Variants in SGCZ observed in about 807,000 individuals in gnomAD.
SGCZ encodes the protein zeta-sarcoglycan.
SGCZ carries 40 observed loss-of-function variants against 41.3 expected under a neutral mutation model. The ratio of observed to expected loss-of-function variants is 0.97; its 90% CI spans 0.75 to 1.26. The LOEUF is 1.26. Among genes scored for constraint, SGCZ ranks in the 50% most tolerant of loss-of-function variants. The pLI is 0.00. For synonymous variants in SGCZ, 206 were observed against 137.5 expected, an observed-to-expected ratio of 1.50 and a Z score of -3.49; for missense variants, 552 against 369.8, an observed-to-expected ratio of 1.49 and a Z score of -4.04.
chr8:14,798,119 G>A (rs1294294812), intron 1 of SGCZ, among the ~76,000 whole-genome samples: 1 of 152,078 alleles, frequency 6.6e-6, no homozygotes, highest in Non-Finnish European at 1.5e-5. Flanking sequence ...TACTATCCCT[G>A]TTTTCAAGAT....
chr8:14,551,355 A>G (rs1803803288), intron 2 of SGCZ, among the ~76,000 whole-genome samples: 1 of 136,366 alleles, frequency 7.3e-6, no homozygotes, highest in Admixed American at 8.5e-5. Flanking sequence ...AAGATGTTAT[A>G]GTAATCAACC....
At chr8:14,143,634 G>C (rs1232706748) in intron 5 of SGCZ, among the ~76,000 whole-genome samples, 1 of 152,098 alleles carries the variant, frequency 6.6e-6, no homozygotes, top group Non-Finnish European at 1.5e-5. Context: ...ACCAATTTAA[G>C]AACTATCTAC....
chr8:14,589,030 C>T (rs372035727), intron 1 of SGCZ, among the ~76,000 whole-genome samples: 59 of 152,254 alleles, frequency 3.9e-4, no homozygotes, highest in African/African-American at 1.4e-3. Flanking sequence ...ATTCTTCTTT[C>T]ACCCTTCCAT....
chr8:14,913,554 A>C (rs1585373574), intron 1 of SGCZ, among the ~76,000 whole-genome samples: 1 of 152,110 alleles, frequency 6.6e-6, no homozygotes, highest in African/African-American at 2.4e-5. Flanking sequence ...CTAGAAGACT[A>C]TGTTAAGATG....
intron 1 of SGCZ, among the ~76,000 whole-genome samples, chr8:15,077,049 C>G (rs557231272): frequency 6.6e-6 from 1 of 152,204 alleles, no homozygotes; most frequent in South Asian, 2.1e-4. Flanking sequence ...ATGATTTGAA[C>G]AACTTGAAAT....
intron 1 of SGCZ, among the ~76,000 whole-genome samples, chr8:14,591,615 C>G (rs900888428): frequency 6.6e-6 from 1 of 152,000 alleles, no homozygotes; most frequent in African/African-American, 2.4e-5. Flanking sequence ...CTTATGCAAA[C>G]GTTATTGATA....
chr8:14,303,423 A>G (rs1585339712), intron 3 of SGCZ, among the ~76,000 whole-genome samples: 1 of 152,152 alleles, frequency 6.6e-6, no homozygotes, highest in Admixed American at 6.5e-5. Context: ...GGACATGGAT[A>G]TCTTTAAAAA....
chr8:14,157,336 CTGTGTGTGTGTGTGTGTGTG>C (rs71209015), intron 5 of SGCZ, among the ~76,000 whole-genome samples: 3 of 138,902 alleles, frequency 2.2e-5, no homozygotes, highest in Non-Finnish European at 4.6e-5. Context: ...ATATATGCCT[CTGTGTGTGTGTGTGTGTGTG>C]TGTGTGTGAG....
At chr8:14,299,270 T>C (rs111403568) in intron 3 of SGCZ, among the ~76,000 whole-genome samples, 13 of 151,916 alleles carry the variant, frequency 8.6e-5, no homozygotes, top group African/African-American at 2.4e-4. Context: ...TAGTCAAAGT[T>C]TTCTCAGAAC....
chr8:14,225,392 G>C (rs1276661362), intron 4 of SGCZ, among the ~76,000 whole-genome samples: 2 of 152,066 alleles, frequency 1.3e-5, no homozygotes, highest in African/African-American at 4.8e-5. Flanking sequence ...TGAAATATTA[G>C]TGTTGAAAAT....
intron 1 of SGCZ, among the ~76,000 whole-genome samples, chr8:15,128,652 T>C (rs1213374092): frequency 6.6e-6 from 1 of 152,196 alleles, no homozygotes; most frequent in African/African-American, 2.4e-5. Flanking sequence ...AATCCTCCCA[T>C]AGTTTGTGTT....
At chr8:15,118,236 T>C (rs1807342988) in intron 1 of SGCZ, among the ~76,000 whole-genome samples, 1 of 152,240 alleles carries the variant, frequency 6.6e-6, no homozygotes, top group African/African-American at 2.4e-5. Context: ...TTATTCTTTC[T>C]TGGAGATTTC....
At chr8:14,985,812 T>C (rs1451429661) in intron 1 of SGCZ, among the ~76,000 whole-genome samples, 1 of 152,178 alleles carries the variant, frequency 6.6e-6, no homozygotes, top group African/African-American at 2.4e-5. Flanking sequence ...GAATATTTAG[T>C]TTTTTAGGAC....
chr8:14,509,833 A>G (rs1585611738), intron 2 of SGCZ, among the ~76,000 whole-genome samples: 2 of 152,110 alleles, frequency 1.3e-5, no homozygotes, highest in African/African-American at 4.8e-5. Context: ...GTGGCAGGAG[A>G]GAGAAGAGGG....
intron 1 of SGCZ, among the ~76,000 whole-genome samples, chr8:14,986,112 T>A (rs1256287065): frequency 6.6e-6 from 1 of 152,130 alleles, no homozygotes; most frequent in Non-Finnish European, 1.5e-5. Context: ...ATTTTTAAGT[T>A]TGATATTATG....
intron 1 of SGCZ, among the ~76,000 whole-genome samples, chr8:14,682,285 A>G (rs1808472616): frequency 6.6e-6 from 1 of 152,230 alleles, no homozygotes; most frequent in Admixed American, 6.5e-5. Flanking sequence ...TGAATATAAG[A>G]TTATACTTTG....
intron 1 of SGCZ, among the ~76,000 whole-genome samples, chr8:14,916,623 TC>T (rs1281843188): frequency 2.6e-5 from 4 of 152,224 alleles, no homozygotes; most frequent in Non-Finnish European, 5.9e-5. Flanking sequence ...AAAAGCAACT[TC>T]ACTTCATATT....
chr8:14,669,693 T>TACACAC lies in SGCZ; in HGVS notation c.40-114773_40-114768dup, dbSNP rs35602830. ...GCTGAATAATATTCCATTTTGTGTATACACACACACACACACACACACACA... is the reference window on the plus strand; with the variant it reads ...GCTGAATAATATTCCATTTTGTGTATACACACACACACACACACACACACACACACA... On this transcript the variant is annotated intron_variant, in intron 1 of 7. Coordinates refer to ENST00000382080, the MANE Select transcript of SGCZ (RefSeq NM_139167.4). Among the ~76,000 whole-genome samples the TACACAC allele has an allele frequency of 2.0e-5, 3 of 147,672 alleles. No homozygotes were observed. In the East Asian group the frequency reaches 6.1e-4, roughly 30 times the overall value.
chr8:15,036,839 C>T (rs1451852573), intron 1 of SGCZ, among the ~76,000 whole-genome samples: 1 of 151,962 alleles, frequency 6.6e-6, no homozygotes, highest in African/African-American at 2.4e-5. Context: ...TGCAAAAGTC[C>T]TCAACAAACC....
Sources: gnomAD v4.1 joint callset for allele counts (sites outside exome capture counted in the v4.1 genomes callset) on GRCh38, gnomAD v4.1.1 for gene constraint, MANE v1.5 for transcripts, NCBI Gene and HGNC (gene_info 2026-07-23, HGNC 2026-07-21) for gene names.